KLHDC10: variants seen among roughly 807,000 people sequenced by gnomAD.
KLHDC10 encodes the protein kelch domain containing 10, also known as kelch domain-containing protein 10.
In KLHDC10, 24 loss-of-function variants were observed where a neutral mutation model predicts 56.1. The ratio of observed to expected loss-of-function variants is 0.43; its 90% CI spans 0.31 to 0.60. The LOEUF (loss-of-function observed/expected upper bound fraction) is 0.60. Among genes scored for constraint, KLHDC10 ranks in the 20% least tolerant of loss-of-function variants. KLHDC10 has a pLI of 0.11. For missense variants in KLHDC10, 349 were observed against 567.0 expected (o/e 0.62, Z 3.91); for synonymous variants, 188 against 207.1 (o/e 0.91, Z 0.79).
intron 1 of KLHDC10, among the ~76,000 whole-genome samples, chr7:130,079,491 T>C (rs952653357): frequency 2.0e-5 from 3 of 152,210 alleles, no homozygotes; most frequent in Non-Finnish European, 4.4e-5. Flanking sequence ...TGGTAGATTG[T>C]ATTAATGGAT....
At chr7:130,095,551 A>G (rs1217479684) in intron 1 of KLHDC10, among the ~76,000 whole-genome samples, 1 of 152,198 alleles carries the variant, frequency 6.6e-6, no homozygotes, top group Admixed American at 6.5e-5. Context: ...CTATTAAAAG[A>G]TAAATCATTT....
rs1048030663 is a variant in KLHDC10 at position 130,077,382 on chromosome 7, A to C, written c.166+6573A>C. On this transcript the variant is annotated intron_variant, in intron 1 of 9. Coordinates refer to ENST00000335420, the MANE Select transcript of KLHDC10 (RefSeq NM_014997.4). ...AAAAAAAAAAAAAAAAAAAAAAAAA[A>C]CAGTATATGTATTTATTGTCATTCA... is the stretch of plus-strand genomic sequence containing the variant. Among the ~76,000 whole-genome samples, 4 of 145,728 alleles carry C rather than the reference A, an allele frequency of 2.7e-5. No homozygotes were observed. The East Asian group carries it at 7.9e-4, about 29-fold the overall frequency.
chr7:130,077,555 C>CTTTTTT (rs1374918216), intron 1 of KLHDC10, among the ~76,000 whole-genome samples: 5 of 108,096 alleles, frequency 4.6e-5, no homozygotes, highest in Non-Finnish European at 7.5e-5. Flanking sequence ...CTTTTTCTTT[C>CTTTTTT]TTTTTTTTTT....
At chr7:130,074,774 C>G (rs1795474671) in intron 1 of KLHDC10, among the ~76,000 whole-genome samples, 1 of 152,030 alleles carries the variant, frequency 6.6e-6, no homozygotes, top group Non-Finnish European at 1.5e-5. Flanking sequence ...CGCCACTGTG[C>G]TACTTTTTGT....
At position 130,116,076 on chromosome 7, in the gene KLHDC10, C is replaced by T. The variant is rs1488839015; in HGVS notation, c.254-369C>T. On this transcript the variant is annotated intron_variant, in intron 2 of 9. Transcript: ENST00000335420. This position sits in a 1 kb window ranked among gnomAD's most constrained non-coding sequence, Gnocchi z 4.8. Reference sequence around the variant, plus strand: ...TTTAGTTGGCCTGTGTTTTTTTCTCCTCTAAGGAAATAAGAAAACTTGTCC... The same window carrying T: ...TTTAGTTGGCCTGTGTTTTTTTCTCTTCTAAGGAAATAAGAAAACTTGTCC... Among the ~76,000 whole-genome samples, 1 of 151,928 alleles carries T rather than the reference C, an allele frequency of 6.6e-6. No individual in the cohort carries two copies. Among genetic ancestry groups the T allele is most frequent in the Non-Finnish European group, 1.5e-5 (1 of 67,988 alleles).
intron 2 of KLHDC10, among the ~76,000 whole-genome samples, chr7:130,114,085 T>G (rs1796136137): frequency 6.6e-6 from 1 of 152,220 alleles, no homozygotes; most frequent in African/African-American, 2.4e-5. Flanking sequence ...TCCCTGTCGC[T>G]GTTTACTTTG....
At chr7:130,126,239 G>A (rs532630440) in intron 7 of KLHDC10, among the ~76,000 whole-genome samples, 1 of 152,234 alleles carries the variant, frequency 6.6e-6, no homozygotes, top group African/African-American at 2.4e-5. Context: ...AATCACCTGA[G>A]CTTGGGAAAT....
chr7:130,101,079 G>A (rs1418225723), intron 2 of KLHDC10, among the ~76,000 whole-genome samples: 3 of 151,360 alleles, frequency 2.0e-5, no homozygotes, highest in Non-Finnish European at 4.4e-5. Context: ...CTGCCATTTA[G>A]CAACTGTATG....
chr7:130,125,316 C>T (rs1386265297), intron 6 of KLHDC10, among the ~76,000 whole-genome samples: 7 of 151,918 alleles, frequency 4.6e-5, no homozygotes, highest in Non-Finnish European at 7.4e-5. Flanking sequence ...CCGAGGCGGG[C>T]GGATCACCTG....
chr7:130,130,279 G>A lies in KLHDC10; in HGVS notation c.1120-258G>A, dbSNP rs148249708. The stretch of plus-strand genomic sequence containing the variant: ...AGAGCTTGCAGTGAGCTGAAATTGC[G>A]CCACTGCACTCCAGCCTGGGCGACA... On this transcript the variant is annotated intron_variant, in intron 9 of 9. Coordinates refer to ENST00000335420, the MANE Select transcript of KLHDC10 (RefSeq NM_014997.4). The surrounding 1 kb of genome is among the most constrained non-coding windows in gnomAD (Gnocchi z 4.2). Among the ~76,000 whole-genome samples the A allele has an allele frequency of 0.057, 8,426 of 148,704 alleles. 355 individuals are homozygous for A. The highest frequency in any genetic ancestry group is 0.08 in the Non-Finnish European group (5,395 of 67,560).
At chr7:130,110,085 A>G (rs1796079755) in intron 2 of KLHDC10, among the ~76,000 whole-genome samples, 1 of 152,176 alleles carries the variant, frequency 6.6e-6, no homozygotes, top group Non-Finnish European at 1.5e-5. Context: ...GGCTAGGTAT[A>G]TTGTAAAACG....
chr7:130,101,448 A>T (rs913578332), intron 2 of KLHDC10, among the ~76,000 whole-genome samples: 1 of 152,182 alleles, frequency 6.6e-6, no homozygotes, highest in African/African-American at 2.4e-5. Flanking sequence ...CTAAGCATAG[A>T]GGTGGCAAGT....
chr7:130,071,199 GAGA>G (rs1285795946), intron 1 of KLHDC10, among the ~76,000 whole-genome samples: 1 of 152,208 alleles, frequency 6.6e-6, no homozygotes, highest in African/African-American at 2.4e-5. Flanking sequence ...AAGTTAAGGA[GAGA>G]AGAAGGAAAC....
At chr7:130,086,198 G>C (rs530166717) in intron 1 of KLHDC10, among the ~76,000 whole-genome samples, 4 of 151,596 alleles carry the variant, frequency 2.6e-5, no homozygotes, top group Non-Finnish European at 5.9e-5. Flanking sequence ...ACTTTCAATG[G>C]TTCTATAGTC....
intron 2 of KLHDC10, among the ~76,000 whole-genome samples, chr7:130,108,026 A>G (rs1199801151): frequency 6.6e-6 from 1 of 151,146 alleles, no homozygotes; most frequent in Non-Finnish European, 1.5e-5. Flanking sequence ...AAACAAAACA[A>G]AACAAAAAAC....
At chr7:130,103,862 G>A (rs1366377310) in intron 2 of KLHDC10, among the ~76,000 whole-genome samples, 1 of 152,112 alleles carries the variant, frequency 6.6e-6, no homozygotes, top group African/African-American at 2.4e-5. Context: ...GGCTGAGGCG[G>A]GTGGATCACG....
chr7:130,114,635 T>C (rs1405486640), intron 2 of KLHDC10, among the ~76,000 whole-genome samples: 3 of 152,158 alleles, frequency 2.0e-5, no homozygotes, highest in Non-Finnish European at 4.4e-5. Flanking sequence ...TTAAGGTAAA[T>C]AGTAAATTTG....
At chr7:130,113,815 A>T (rs1449710784) in intron 2 of KLHDC10, among the ~76,000 whole-genome samples, 3 of 152,226 alleles carry the variant, frequency 2.0e-5, no homozygotes, top group African/African-American at 7.2e-5. Flanking sequence ...ATTTCTTTTC[A>T]TATTTGCCCA....
intron 2 of KLHDC10, among the ~76,000 whole-genome samples, chr7:130,101,113 T>G (rs571875990): frequency 2.6e-5 from 4 of 152,290 alleles, no homozygotes; most frequent in East Asian, 1.9e-4. Context: ...TGCTTATTCT[T>G]TTTTTGCCTC....
Sources: allele counts gnomAD v4.1 joint callset (sites outside exome capture counted in the v4.1 genomes callset), GRCh38; gene constraint gnomAD v4.1.1; non-coding constraint Gnocchi (gnomAD v3.1); transcripts MANE v1.5; gene names NCBI Gene and HGNC (gene_info 2026-07-23, HGNC 2026-07-21).